CDC42BPA: variants seen among roughly 807,000 people sequenced by gnomAD.
The protein encoded by CDC42BPA is CDC42 binding protein kinase alpha, also known as serine/threonine-protein kinase MRCK alpha.
Under a neutral mutation model 223.5 loss-of-function variants are expected in CDC42BPA, and 80 were observed. That is an observed-to-expected ratio of 0.36 (90% CI 0.30 to 0.43). The LOEUF (loss-of-function observed/expected upper bound fraction) is 0.43. CDC42BPA is among the 20% of genes least tolerant of loss of function. CDC42BPA has a pLI of 1.00. For missense variants in CDC42BPA, 1,743 were observed against 2,099.9 expected (o/e 0.83, Z 3.32); for synonymous variants, 694 against 718.6 (o/e 0.97, Z 0.55).
intron 16 of CDC42BPA, among the ~76,000 whole-genome samples, chr1:227,084,050 C>A (rs1681289504): frequency 6.6e-6 from 1 of 152,142 alleles, no homozygotes; most frequent in Non-Finnish European, 1.5e-5. Flanking sequence ...TCTTTAGGAT[C>A]TTGGTCAGTA....
At chr1:227,217,421 G>A (rs926780427) in intron 2 of CDC42BPA, among the ~76,000 whole-genome samples, 5 of 151,052 alleles carry the variant, frequency 3.3e-5, no homozygotes, top group Non-Finnish European at 5.9e-5. Flanking sequence ...ACTTCAGCCC[G>A]GGCTGAAGTG....
chr1:227,091,948 A>G lies in CDC42BPA; in HGVS notation c.2293T>C (p.Tyr765His). 6.2e-7 allele frequency: 1 copy of G among 1,608,944 alleles called. No individual in the cohort carries two copies. Among genetic ancestry groups the G allele is most frequent in the Middle Eastern group, 1.7e-4 (1 of 6,032 alleles). The change falls in exon 16 of 37, where the codon TAT becomes CAT. Residue 765 changes from tyrosine to histidine, a missense_variant. By Grantham distance (83) the Tyr-to-His change is moderately conservative (BLOSUM62 2). Coordinates refer to ENST00000366766, the MANE Select transcript of CDC42BPA (RefSeq NM_001394014.1). ...EEFESEFKQQ[Y>H]EREKVLLTEE... The stretch of plus-strand genomic sequence containing the variant: ...GTTAACAACACTTTTTCTCGTTCAT[A>G]TTGTTGTTTGAACTCACTTTCAAAT...
chr1:227,255,380 G>C (rs534863834), intron 1 of CDC42BPA, among the ~76,000 whole-genome samples: 1 of 152,142 alleles, frequency 6.6e-6, no homozygotes, highest in Non-Finnish European at 1.5e-5. Flanking sequence ...CTTCGAAAAC[G>C]GGTATTCCAC....
chr1:227,217,985 A>C (rs1877618), intron 2 of CDC42BPA, among the ~76,000 whole-genome samples: 47,546 of 152,044 alleles, frequency 0.31, 7,633 homozygotes, highest in East Asian at 0.37. Context: ...CTACAATATA[A>C]GCTAATGAGG....
chr1:227,301,047 GCT>G (rs1320288448), intron 1 of CDC42BPA, among the ~76,000 whole-genome samples: 1 of 152,164 alleles, frequency 6.6e-6, no homozygotes, highest in Admixed American at 6.5e-5. Flanking sequence ...TGTCTTCACT[GCT>G]CTGTTAGTGT....
rs1694568358 is a variant in CDC42BPA, at chr1:227,317,335, C to A, written c.-153G>T. 2.8e-6 allele frequency: 2 copies of A among 705,128 alleles called. No homozygotes were observed. Among genetic ancestry groups the A allele is most frequent in the Non-Finnish European group, 4.6e-6 (2 of 438,288 alleles). 43.7% of individuals were successfully genotyped at this position (705,128 alleles called of 1,614,324 possible). A position where few individuals can be genotyped will look rare whatever the true frequency, so the allele number is the denominator to read the frequency against. On this transcript the variant is annotated 5_prime_UTR_variant, in exon 1 of 37. Transcript: ENST00000366766. ...TGCTGGTGCTGAATTAAACATCCAA[C>A]ACACCAGTAACCTCACTTAACTGAA...
At chr1:227,149,678 G>A (rs547685093) in intron 6 of CDC42BPA, among the ~76,000 whole-genome samples, 1 of 152,306 alleles carries the variant, frequency 6.6e-6, no homozygotes, top group Admixed American at 6.5e-5. Flanking sequence ...CAGTGGATTA[G>A]ATACAGTTGA....
At chr1:227,286,569 T>C (rs796858363) in intron 1 of CDC42BPA, among the ~76,000 whole-genome samples, 3 of 152,250 alleles carry the variant, frequency 2.0e-5, no homozygotes, top group African/African-American at 7.2e-5. Flanking sequence ...CCCTCCAAAC[T>C]CTTCCAACCT....
chr1:226,997,889 T>C (rs1661964147), intron 35 of CDC42BPA, among the ~76,000 whole-genome samples: 1 of 152,160 alleles, frequency 6.6e-6, no homozygotes, highest in Non-Finnish European at 1.5e-5. Flanking sequence ...TTAGAATAAG[T>C]GTGATGTGGT....
At chr1:227,074,042 C>T in intron 18 of CDC42BPA, 30 bp from the exon 19 acceptor site, 1 of 1,596,868 alleles carries the variant, frequency 6.3e-7, no homozygotes, top group Non-Finnish European at 8.5e-7. Context: ...TTTTTAGTTC[C>T]ATCCTATTTT....
In CDC42BPA at chr1:227,139,600, GT is replaced by G. The variant is rs1558590480; in HGVS notation, c.1365del (p.Lys455AsnfsTer27). On this transcript the variant is annotated frameshift_variant, in exon 10 of 37. Transcript: ENST00000366766. LOFTEE classifies it high-confidence loss of function. ...ERRIKRLEQEKLELSRKLQES... is the reference protein window; with the variant it reads ...ERRIKRLEQEXLELSRKLQES... Reference sequence around the variant, plus strand: ...CCTTGAAGTTTTCTACTGAGTTCAAGTTTTTCTTGCTCAAGGCGCTTAATTC... The same window carrying G: ...CCTTGAAGTTTTCTACTGAGTTCAAGTTTTCTTGCTCAAGGCGCTTAATTC... The G allele has an allele frequency of 1.3e-6, 2 of 1,598,510 alleles. No individual in the cohort carries two copies. The highest frequency in any genetic ancestry group is 1.4e-5 in the African/African-American group (1 of 73,818).
chr1:227,226,245 T>C (rs1285340076), intron 2 of CDC42BPA, among the ~76,000 whole-genome samples: 1 of 152,248 alleles, frequency 6.6e-6, no homozygotes, highest in Non-Finnish European at 1.5e-5. Context: ...ACTTGGAGTC[T>C]ACTCCGAGAT....
At chr1:227,002,089 G>C (rs957194479) in intron 35 of CDC42BPA, among the ~76,000 whole-genome samples, 3 of 152,098 alleles carry the variant, frequency 2.0e-5, no homozygotes, top group African/African-American at 4.8e-5. Flanking sequence ...TAATGTGTTC[G>C]TGGGAACTTA....
At chr1:227,073,679 G>C (rs1678890464) in intron 19 of CDC42BPA, among the ~76,000 whole-genome samples, 185 bp downstream of exon 19, 1 of 152,008 alleles carries the variant, frequency 6.6e-6, no homozygotes, top group Non-Finnish European at 1.5e-5. Flanking sequence ...GGAAAACAAG[G>C]CTATATTAAA....
intron 15 of CDC42BPA, among the ~76,000 whole-genome samples, chr1:227,094,503 A>T (rs145445014): frequency 3.2e-4 from 49 of 152,210 alleles, no homozygotes; most frequent in Admixed American, 1.9e-3. Context: ...TTAAAACCCT[A>T]CTTGTAACAA....
intron 33 of CDC42BPA, among the ~76,000 whole-genome samples, 184 bp downstream of exon 33, chr1:227,016,743 C>A (rs1386421080): frequency 1.3e-5 from 2 of 152,148 alleles, no homozygotes; most frequent in Non-Finnish European, 2.9e-5. Context: ...TGCATACTCA[C>A]AATTTTGAGA....
chr1:227,307,409 T>C (rs1407207654), intron 1 of CDC42BPA, among the ~76,000 whole-genome samples: 1 of 152,214 alleles, frequency 6.6e-6, no homozygotes. Flanking sequence ...TTAAAGGCTC[T>C]CACACTACCT....
At chr1:227,248,742 T>C (rs986689513) in intron 2 of CDC42BPA, among the ~76,000 whole-genome samples, 1 of 152,070 alleles carries the variant, frequency 6.6e-6, no homozygotes, top group Admixed American at 6.6e-5. Flanking sequence ...CACACACACA[T>C]ACATCAATAT....
chr1:227,123,857 G>GT (rs2149468145), intron 11 of CDC42BPA, among the ~76,000 whole-genome samples: 1 of 152,082 alleles, frequency 6.6e-6, no homozygotes, highest in Admixed American at 6.5e-5. Flanking sequence ...GAGAGAGAGA[G>GT]TGTGTGTGTG....
Sources: allele counts gnomAD v4.1 joint callset (sites outside exome capture counted in the v4.1 genomes callset), GRCh38; gene constraint gnomAD v4.1.1; transcripts MANE v1.5; gene names NCBI Gene and HGNC (gene_info 2026-07-23, HGNC 2026-07-21).